EYS: variants seen among roughly 807,000 people sequenced by gnomAD.
EYS encodes EGF-like photoreceptor maintenance factor, also known as protein eyes shut homolog.
EYS carries 250 observed loss-of-function variants against 282.1 expected under a neutral mutation model. That is an observed-to-expected ratio of 0.89 (90% CI 0.80 to 0.98). EYS has a LOEUF of 0.98. Ranked by LOEUF, EYS falls within the 50% of genes least tolerant of loss-of-function variation. EYS has a pLI of 0.00. For missense variants in EYS, 4,016 were observed against 3,709.0 expected (o/e 1.08, Z -2.15); for synonymous variants, 1,355 against 1,282.9 (o/e 1.06, Z -1.20).
chr6:63,747,900 C>T (rs562744882), intron 41 of EYS, among the ~76,000 whole-genome samples: 2 of 152,236 alleles, frequency 1.3e-5, no homozygotes, highest in Admixed American at 1.3e-4. Flanking sequence ...GACTCTTTAT[C>T]CAATTTGCCA....
intron 41 of EYS, among the ~76,000 whole-genome samples, chr6:63,732,711 T>C (rs1213508402): frequency 1.3e-5 from 2 of 152,210 alleles, no homozygotes; most frequent in Non-Finnish European, 1.5e-5. Flanking sequence ...TTAGTGACCA[T>C]TGGCAACCCT....
chr6:65,097,128 G>C (rs1212958939), intron 12 of EYS, among the ~76,000 whole-genome samples: 2 of 150,786 alleles, frequency 1.3e-5, no homozygotes, highest in Non-Finnish European at 3.0e-5. Context: ...AATATATAAG[G>C]TACTCCTACA....
chr6:63,937,863 A>T (rs1012339481), intron 35 of EYS, among the ~76,000 whole-genome samples: 7 of 152,178 alleles, frequency 4.6e-5, no homozygotes, highest in Non-Finnish European at 1.0e-4. Context: ...CCCTGTATAT[A>T]AGTTATACAG....
Position 64,826,142 on chromosome 6 carries a change from A to G in EYS, c.2993-3320T>C, listed in dbSNP as rs114221383. On this transcript the variant is annotated intron_variant, in intron 19 of 42. Transcript: ENST00000503581. Reference sequence around the variant, plus strand: ...TCTAATGCATATTTATGTGTCAATCAGAGTTCTAGACTCCTTGCATAGTTC... The same window carrying G: ...TCTAATGCATATTTATGTGTCAATCGGAGTTCTAGACTCCTTGCATAGTTC... Among the ~76,000 whole-genome samples, 293 of 152,010 alleles carry G rather than the reference A, an allele frequency of 1.9e-3. 1 individual carries two copies. Among genetic ancestry groups the G allele is most frequent in the African/African-American group, 6.7e-3 (279 of 41,526 alleles).
chr6:65,631,137 T>C (rs140518769), intron 2 of EYS, among the ~76,000 whole-genome samples: 88 of 152,272 alleles, frequency 5.8e-4, no homozygotes, highest in African/African-American at 2.0e-3. Context: ...GAGACCCCTG[T>C]AAAAAAGAGG....
rs543087430 is a variant in EYS at position 64,976,308 on chromosome 6, A to G, written c.2259+21274T>C. 4.6e-5 allele frequency among the ~76,000 whole-genome samples: 7 copies of G among 152,102 alleles called. No homozygotes were observed. In the East Asian group the frequency reaches 1.4e-3, roughly 30 times the overall value. ...AGAAATATTCAAAGTGCCATGCCTTACTATTTTACATATTGGCCTATTTTA... is the reference window on the plus strand; with the variant it reads ...AGAAATATTCAAAGTGCCATGCCTTGCTATTTTACATATTGGCCTATTTTA... On this transcript the variant is annotated intron_variant, in intron 14 of 42. Transcript: ENST00000503581.
intron 8 of EYS, among the ~76,000 whole-genome samples, chr6:65,371,723 CTCTCTCTCTCTCTCTCTCTGTG>C (rs1221539279): frequency 1.3e-5 from 1 of 74,900 alleles, no homozygotes; most frequent in African/African-American, 4.0e-5. Flanking sequence ...CTCTCTCTCT[CTCTCTCTCTCTCTCTCTCTGTG>C]TGTGTGTGTG....
chr6:63,793,076 C>G (rs977221680), intron 37 of EYS, among the ~76,000 whole-genome samples: 3 of 152,162 alleles, frequency 2.0e-5, no homozygotes, highest in African/African-American at 7.2e-5. Flanking sequence ...GGGGATCTGA[C>G]AGCCCCAAGA....
intron 26 of EYS, among the ~76,000 whole-genome samples, chr6:64,519,830 C>CA (rs1264267708): frequency 3.3e-5 from 5 of 151,778 alleles, no homozygotes; most frequent in Non-Finnish European, 7.4e-5. Flanking sequence ...GAAGGGATGT[C>CA]AAAAAACCAT....
intron 12 of EYS, among the ~76,000 whole-genome samples, chr6:65,190,295 G>A (rs1184882462): frequency 2.0e-5 from 3 of 147,000 alleles, no homozygotes; most frequent in Non-Finnish European, 4.5e-5. Flanking sequence ...GTATTTTCAT[G>A]TATAAATATA....
rs542829337 is a variant in EYS at position 65,163,021 on chromosome 6, C to A, written c.2024-105294G>T. Among the ~76,000 whole-genome samples the A allele has an allele frequency of 2.0e-5, 3 of 151,112 alleles. No homozygotes were observed. In the East Asian group the frequency reaches 5.9e-4, roughly 30 times the overall value. On this transcript the variant is annotated intron_variant, in intron 12 of 42. Transcript: ENST00000503581. ...CATGTTATCAGAAATCTAATCCCTT[C>A]AGTACTAAATTGCCAAAATTTAGGG... is the stretch of plus-strand genomic sequence containing the variant.
intron 31 of EYS, among the ~76,000 whole-genome samples, chr6:64,215,359 A>G (rs1465197221): frequency 6.6e-6 from 1 of 152,078 alleles, no homozygotes; most frequent in Non-Finnish European, 1.5e-5. Context: ...CAAATATTTT[A>G]TACTTGATTT....
intron 14 of EYS, among the ~76,000 whole-genome samples, chr6:64,976,684 A>G (rs1244691777): frequency 6.6e-6 from 1 of 151,982 alleles, no homozygotes; most frequent in African/African-American, 2.4e-5. Context: ...GGGGATATAA[A>G]CATTTAGAAC....
intron 12 of EYS, among the ~76,000 whole-genome samples, chr6:65,092,062 T>A (rs947331010): frequency 6.6e-6 from 1 of 152,178 alleles, no homozygotes; most frequent in African/African-American, 2.4e-5. Context: ...TTTTAATTTA[T>A]ATTTTTGTGA....
intron 28 of EYS, among the ~76,000 whole-genome samples, chr6:64,429,909 A>G (rs1194577432): frequency 6.6e-6 from 1 of 152,182 alleles, no homozygotes; most frequent in African/African-American, 2.4e-5. Flanking sequence ...TCAGTATTCC[A>G]TGGTCATGTT....
At chr6:63,798,672 A>G (rs754496163) in intron 37 of EYS, among the ~76,000 whole-genome samples, 3 of 151,776 alleles carry the variant, frequency 2.0e-5, no homozygotes, top group African/African-American at 4.8e-5. Context: ...CCCTGCTTCA[A>G]TTTTCTTTTT....
intron 22 of EYS, among the ~76,000 whole-genome samples, chr6:64,646,131 TCAAGAGAAA>T (rs1228084731): frequency 2.6e-5 from 4 of 152,016 alleles, no homozygotes; most frequent in Non-Finnish European, 5.9e-5. Flanking sequence ...AAAAAGAGAA[TCAAGAGAAA>T]CCGGCAGGGG....
chr6:64,794,749 T>C (rs1014699170), intron 22 of EYS, among the ~76,000 whole-genome samples: 4 of 152,172 alleles, frequency 2.6e-5, no homozygotes, highest in Non-Finnish European at 5.9e-5. Flanking sequence ...GGCCATTGTT[T>C]TTATTCCTTG....
chr6:64,166,326 G>C (rs1234438903), intron 31 of EYS, among the ~76,000 whole-genome samples: 2 of 152,064 alleles, frequency 1.3e-5, no homozygotes, highest in African/African-American at 4.8e-5. Context: ...ACATTTTAAA[G>C]AAGATGCTTC....
Sources: gnomAD v4.1 joint callset for allele counts (sites outside exome capture counted in the v4.1 genomes callset) on GRCh38, gnomAD v4.1.1 for gene constraint, MANE v1.5 for transcripts, NCBI Gene and HGNC (gene_info 2026-07-23, HGNC 2026-07-21) for gene names.